The following GMPS variants were observed in gnomAD, a reference collection of about 807,000 sequenced individuals.
GMPS encodes GMP synthase [glutamine-hydrolyzing].
A neutral mutation model predicts 77.9 loss-of-function variants in GMPS; 15 were observed. The ratio of observed to expected loss-of-function variants is 0.19; its 90% CI spans 0.13 to 0.30. The LOEUF is 0.30. GMPS is among the 10% of genes least tolerant of loss of function. The pLI is 1.00. For missense variants in GMPS, 590 were observed against 838.8 expected (o/e 0.70, Z 3.66); for synonymous variants, 224 against 275.9 (o/e 0.81, Z 1.86).
chr3:155,884,624 A>G (rs1018629118), intron 1 of GMPS, among the ~76,000 whole-genome samples: 10 of 152,172 alleles, frequency 6.6e-5, no homozygotes, highest in African/African-American at 2.4e-4. Context: ...GTGGCCCTGG[A>G]CCAACTTTAA....
intron 9 of GMPS, among the ~76,000 whole-genome samples, chr3:155,917,862 ACT>A (rs1342095318): frequency 6.6e-6 from 1 of 151,924 alleles, no homozygotes; most frequent in Admixed American, 6.6e-5. Context: ...CAAGAGTGAA[ACT>A]CTGTCTCAAA....
intron 1 of GMPS, among the ~76,000 whole-genome samples, chr3:155,878,110 G>A (rs558299772): frequency 3.3e-5 from 5 of 152,126 alleles, no homozygotes; most frequent in South Asian, 2.1e-4. Context: ...AATCCTATCC[G>A]TGTGGGCTCT....
intron 1 of GMPS, among the ~76,000 whole-genome samples, chr3:155,872,685 T>A (rs539859744): frequency 5.3e-5 from 8 of 152,366 alleles, no homozygotes; most frequent in African/African-American, 1.9e-4. Flanking sequence ...GATAATCTTA[T>A]CAGTTTGCTA....
chr3:155,923,034 G>A (rs1755355665), intron 11 of GMPS, among the ~76,000 whole-genome samples: 1 of 152,006 alleles, frequency 6.6e-6, no homozygotes, highest in Non-Finnish European at 1.5e-5. Flanking sequence ...ACATATAGAA[G>A]TATGGCACCA....
Position 155,911,210 on chromosome 3 carries a change from G to T in GMPS, c.817G>T (p.Gly273Cys). Residue 273 changes from glycine (G) to cysteine (C), a missense_variant, in exon 7 of 16, where the codon GGC (glycine) becomes TGC (cysteine). Physicochemically the swap from Gly to Cys is radical, Grantham distance 159. Transcript: ENST00000496455. The stretch of plus-strand genomic sequence containing the variant: ...AGTCATTGCTGTGCACATTGATAAT[G>T]GCTTTATGAGAAAACGAGAAAGCCA... Reference protein sequence around the residue: ...EQVIAVHIDNGFMRKRESQSV... With the variant: ...EQVIAVHIDNCFMRKRESQSV... 1.2e-6 allele frequency: 2 copies of T among 1,612,952 alleles called. No homozygotes were observed. The highest frequency in any genetic ancestry group is 1.7e-6 in the Non-Finnish European group (2 of 1,179,174).
chr3:155,916,076 C>A lies in GMPS; in HGVS notation c.1096C>A (p.Gln366Lys). The A allele has an allele frequency of 6.2e-7, 1 of 1,613,108 alleles. No individual in the cohort carries two copies. The highest frequency in any genetic ancestry group is 8.5e-7 in the Non-Finnish European group (1 of 1,179,256). Residue 366 changes from glutamine (Q) to lysine (K), a missense_variant, in exon 9 of 16, where the codon CAA becomes AAA. Around this residue, in one of 6 missense-constraint regions of GMPS, gnomAD observed 181 missense variants for 186.8 expected, o/e 0.97. Transcript: ENST00000496455. ...GAAACCAGAGGAGGTTTTCCTTGCC[C>A]AAGGTACTTTACGGCCTGATCTAAT... Reference protein sequence around the residue: ...NLKPEEVFLAQGTLRPDLIES... With the variant: ...NLKPEEVFLAKGTLRPDLIES...
At position 155,931,846 on chromosome 3, in the gene GMPS, A is replaced by G; in HGVS notation, c.1642A>G (p.Arg548Gly). 6.3e-7 allele frequency: 1 copy of G among 1,585,232 alleles called. No individual in the cohort carries two copies. Among genetic ancestry groups the G allele is most frequent in the African/African-American group, 1.3e-5 (1 of 74,472 alleles). The change falls in exon 13 of 16, where the codon AGG (arginine) becomes GGG (glycine). Residue 548 changes from arginine (R) to glycine (G), a missense_variant. By Grantham distance (125) the Arg-to-Gly change is moderately radical. Coordinates refer to ENST00000496455, the MANE Select transcript of GMPS (RefSeq NM_003875.3). ...PDWESLIFLA[R>G]LIPRMCHNVN... ...CTGGGAATCACTTATTTTTCTGGCTAGGCTTATACCTCGCATGTGTCACAA... is the reference window on the plus strand; with the variant it reads ...CTGGGAATCACTTATTTTTCTGGCTGGGCTTATACCTCGCATGTGTCACAA...
rs1164703650 is a variant in GMPS, at chr3:155,943,375, C to T, written c.*5683C>T. ...GTACAACTACAAAATCCTCTGAGTT[C>T]TCCAGGAAGCCTAAACCTTGAGCAG... On this transcript the variant is annotated 3_prime_UTR_variant, in exon 16 of 16. Coordinates refer to ENST00000496455, the MANE Select transcript of GMPS (RefSeq NM_003875.3). 5.5e-6 allele frequency: 1 copy of T among 181,012 alleles called. No homozygotes were observed. Among genetic ancestry groups the T allele is most frequent in the African/African-American group, 2.4e-5 (1 of 42,416 alleles). The allele number at this position is 181,012 out of a possible 1,614,324, so 11.2% of individuals were successfully genotyped here. A position where few individuals can be genotyped will look rare whatever the true frequency, so the allele number is the denominator to read the frequency against.
chr3:155,923,565 A>G (rs1308667831), intron 11 of GMPS, among the ~76,000 whole-genome samples: 1 of 152,234 alleles, frequency 6.6e-6, no homozygotes, highest in African/African-American at 2.4e-5. Context: ...CCAGGAAATT[A>G]TACTGAAACA....
chr3:155,890,894 C>T (rs773476102), intron 1 of GMPS, among the ~76,000 whole-genome samples: 2 of 152,162 alleles, frequency 1.3e-5, no homozygotes, highest in Non-Finnish European at 2.9e-5. Flanking sequence ...GCATTTTCAT[C>T]TTTGTTGGCC....
At position 155,910,904 on chromosome 3, in the gene GMPS, G is replaced by A. The variant is rs751988214; in HGVS notation, c.720+19G>A. 1.3e-6 allele frequency: 2 copies of A among 1,490,494 alleles called. No individual in the cohort carries two copies. Among genetic ancestry groups the A allele is most frequent in the East Asian group, 4.6e-5 (2 of 43,916 alleles). The allele number at this position is 1,490,494 out of a possible 1,614,324, so 92.3% of individuals were successfully genotyped here. A position where few individuals can be genotyped will look rare whatever the true frequency, so the allele number is the denominator to read the frequency against. Reference sequence around the variant, plus strand: ...AGTTTTGGTAAGCAAATTATTATCTGGAAGTCTACAAATTTATATCAATAA... The same window carrying A: ...AGTTTTGGTAAGCAAATTATTATCTAGAAGTCTACAAATTTATATCAATAA... On this transcript the variant is annotated intron_variant, in intron 6 of 15. Transcript: ENST00000496455.
rs1253925205 is a variant in GMPS at position 155,942,252 on chromosome 3, A to G, written c.*4560A>G. On this transcript the variant is annotated 3_prime_UTR_variant, in exon 16 of 16. Transcript: ENST00000496455. ...CAGGCGCCCGCCACTACGCCCGGCT[A>G]ATTTTTTTGTACTTTTTAGTAGAGA... is the stretch of plus-strand genomic sequence containing the variant. The G allele has an allele frequency of 1.6e-5, 3 of 182,190 alleles. No homozygotes were observed. The highest frequency in any genetic ancestry group is 3.5e-5 in the Non-Finnish European group (3 of 85,714). 11.3% of individuals were successfully genotyped at this position (182,190 alleles called of 1,614,324 possible).
At chr3:155,918,713 A>T (rs1755245964) in intron 9 of GMPS, among the ~76,000 whole-genome samples, 1 of 152,158 alleles carries the variant, frequency 6.6e-6, no homozygotes, top group African/African-American at 2.4e-5. Context: ...AGATTATTTC[A>T]TCACCCAGGT....
chr3:155,938,021 A>T lies in GMPS; in HGVS notation c.*329A>T, dbSNP rs997237813. 1 of 259,258 alleles carries T rather than the reference A, an allele frequency of 3.9e-6. No individual in the cohort carries two copies. Among genetic ancestry groups the T allele is most frequent in the Non-Finnish European group, 7.4e-6 (1 of 135,328 alleles). 16.1% of individuals were successfully genotyped at this position (259,258 alleles called of 1,614,324 possible). A position where few individuals can be genotyped will look rare whatever the true frequency, so the allele number is the denominator to read the frequency against. Reference sequence around the variant, plus strand: ...AAGGTGGGTGAATTTGGGGGTAATTATGGGCTTCTGTCTCCTTACCAGTTT... The same window carrying T: ...AAGGTGGGTGAATTTGGGGGTAATTTTGGGCTTCTGTCTCCTTACCAGTTT... On this transcript the variant is annotated 3_prime_UTR_variant, in exon 16 of 16. Coordinates refer to ENST00000496455, the MANE Select transcript of GMPS (RefSeq NM_003875.3).
chr3:155,874,718 T>C (rs936654170), intron 1 of GMPS, among the ~76,000 whole-genome samples: 1 of 152,104 alleles, frequency 6.6e-6, no homozygotes. Flanking sequence ...AGGAAAATAA[T>C]TCAGTCTTTT....
chr3:155,901,795 TATTAA>T (rs1754744561), intron 3 of GMPS, among the ~76,000 whole-genome samples: 1 of 152,172 alleles, frequency 6.6e-6, no homozygotes, highest in South Asian at 2.1e-4. Context: ...TTCATTTTTA[TATTAA>T]ATTGTCTTTG....
intron 2 of GMPS, among the ~76,000 whole-genome samples, chr3:155,894,458 A>T (rs1164435100): frequency 6.6e-6 from 1 of 152,156 alleles, no homozygotes; most frequent in Non-Finnish European, 1.5e-5. Context: ...TCCTGACTTC[A>T]GGTGATCCAC....
intron 2 of GMPS, among the ~76,000 whole-genome samples, chr3:155,894,809 G>A (rs1339849612): frequency 6.6e-6 from 1 of 152,152 alleles, no homozygotes; most frequent in African/African-American, 2.4e-5. Flanking sequence ...TAAAAGGCGG[G>A]CTTAAATTTA....
intron 1 of GMPS, among the ~76,000 whole-genome samples, chr3:155,875,916 T>C (rs1341750197): frequency 1.3e-5 from 2 of 152,118 alleles, no homozygotes; most frequent in African/African-American, 4.8e-5. Context: ...TTAAGATTGT[T>C]ATAATGTGAA....
Sources: allele counts gnomAD v4.1 joint callset (sites outside exome capture counted in the v4.1 genomes callset), GRCh38; gene constraint gnomAD v4.1.1; regional missense constraint gnomAD v4.1.1; transcripts MANE v1.5; gene names NCBI Gene and HGNC (gene_info 2026-07-23, HGNC 2026-07-21).